Variants in CHD3 observed in about 807,000 individuals in gnomAD.
The protein encoded by CHD3 is ATP-dependent chromatin remodeler CHD3.
CHD3 carries 52 observed loss-of-function variants against 248.9 expected under a neutral mutation model. The observed-to-expected ratio is 0.21, with a 90% CI of 0.17 to 0.26. The LOEUF (loss-of-function observed/expected upper bound fraction) is 0.26, where lower values mean the gene tolerates loss of function less well. CHD3 is among the 10% of genes least tolerant of loss of function. CHD3 has a pLI of 1.00. For missense variants in CHD3, 1,482 were observed against 2,605.8 expected, an observed-to-expected ratio of 0.57 and a Z score of 9.39; for synonymous variants, 985 against 985.2, an observed-to-expected ratio of 1.00 and a Z score of 0.00.
chr17:7,884,834 G>A, upstream of CHD3: 1 of 1,014,876 alleles, frequency 9.9e-7, no homozygotes, highest in Non-Finnish European at 1.4e-6. Flanking sequence ...GGACGAGGAG[G>A]AGGAGGAGGA....
Position 7,899,674 on chromosome 17 carries a change from C to T in CHD3, c.2544+131C>T, listed in dbSNP as rs2040381866. 3.8e-6 allele frequency: 4 copies of T among 1,052,044 alleles called. No individual in the cohort carries two copies. Among genetic ancestry groups the T allele is most frequent in the Non-Finnish European group, 5.6e-6 (4 of 711,974 alleles). 65.2% of individuals were successfully genotyped at this position (1,052,044 alleles called of 1,614,324 possible). A position where few individuals can be genotyped will look rare whatever the true frequency, so the allele number is the denominator to read the frequency against. ...CTCCACCTGTCCTCCTGTCTCTGCA[C>T]TACCATCCTAGAGATATGGCAGGTA... On this transcript the variant is annotated intron_variant, in intron 15 of 39. Coordinates refer to ENST00000330494, the MANE Select transcript of CHD3 (RefSeq NM_001005273.3). The surrounding 1 kb of genome is among the most constrained non-coding windows in gnomAD (Gnocchi z 6.8).
rs781107745 is a variant in CHD3, at chr17:7,907,842, C to T, written c.5027-52C>T. ...TACAGTACAGATAGTAGTCTTGGGA[C>T]CTGGGAGGAGGGTGTCCTGAGGTGT... On this transcript the variant is annotated intron_variant, in intron 33 of 39. Transcript: ENST00000330494. This position sits in a 1 kb window ranked among gnomAD's most constrained non-coding sequence, Gnocchi z 4.3. 6.3e-7 allele frequency: 1 copy of T among 1,581,210 alleles called. No homozygotes were observed. Among genetic ancestry groups the T allele is most frequent in the Admixed American group, 1.8e-5 (1 of 56,000 alleles).
chr17:7,900,525 G>A lies in CHD3; in HGVS notation c.2805-33G>A, dbSNP rs376648861. 257 of 1,609,266 alleles carry A rather than the reference G, an allele frequency of 1.6e-4. No homozygotes were observed. The highest frequency in any genetic ancestry group is 1.4e-4 in the Non-Finnish European group (159 of 1,176,250). On this transcript the variant is annotated intron_variant, in intron 17 of 39. Transcript: ENST00000330494. This position sits in a 1 kb window ranked among gnomAD's most constrained non-coding sequence, Gnocchi z 6.5. ...TGAGATCAGGGGCAAGGAACTTGCC[G>A]ACCTGTTAATTTTCTTCTCTTCTGG...
Position 7,889,629 on chromosome 17 carries a change from G to A in CHD3, c.101-35G>A, listed in dbSNP as rs746773769. On this transcript the variant is annotated intron_variant, in intron 1 of 39. Transcript: ENST00000330494. This position sits in a 1 kb window ranked among gnomAD's most constrained non-coding sequence, Gnocchi z 4.5. ...AGGGGCCTCAGAGGCTGGAAACCTAGAGGCTTAGGTTTTCTGATGCTTTTT... is the reference window on the plus strand; with the variant it reads ...AGGGGCCTCAGAGGCTGGAAACCTAAAGGCTTAGGTTTTCTGATGCTTTTT... 5.7e-6 allele frequency: 9 copies of A among 1,572,206 alleles called. No individual in the cohort carries two copies. The highest frequency in any genetic ancestry group is 5.2e-6 in the Non-Finnish European group (6 of 1,152,734).
rs758983872 is a variant in CHD3, at chr17:7,907,671, G to A, written c.4995G>A (p.Pro1665=). 19 of 1,537,846 alleles carry A rather than the reference G, an allele frequency of 1.2e-5. No homozygotes were observed. The African/African-American group carries it at 1.3e-4, about 10-fold the overall frequency. The change falls in exon 33 of 40, where the codon CCG becomes CCA. Residue 1665 remains proline, a synonymous_variant. Transcript: ENST00000330494. This position sits in a 1 kb window ranked among gnomAD's most constrained non-coding sequence, Gnocchi z 4.3. ...PLDGQEHRER[P]EGETGDLGKR... ...ATGGACAGGAACACAGGGAGAGGCC[G>A]GAGGGGGAAACAGGGGATTTGGGCA...
chr17:7,888,734 GC>G, upstream of CHD3: 3 of 1,098,860 alleles, frequency 2.7e-6, no homozygotes, highest in Non-Finnish European at 3.6e-6. Context: ...GTGGGTGCGC[GC>G]GTGCGCGCGC....
rs754875511 is a variant in CHD3 at position 7,907,495 on chromosome 17, G to A, written c.4924+7G>A. 1 of 1,581,720 alleles carries A rather than the reference G, an allele frequency of 6.3e-7. No individual in the cohort carries two copies. Among genetic ancestry groups the A allele is most frequent in the Non-Finnish European group, 8.6e-7 (1 of 1,166,452 alleles). On this transcript the variant is annotated splice_region_variant and intron_variant, in intron 32 of 39. Transcript: ENST00000330494. The surrounding 1 kb of genome is among the most constrained non-coding windows in gnomAD (Gnocchi z 4.3). The stretch of plus-strand genomic sequence containing the variant: ...GGGGACAGAGAGAAGTCAGGTGGGT[G>A]CATGGCCTTAGGAGTGATGGGGGAT...
rs776791942 is a variant in CHD3, at chr17:7,889,822, C to G, written c.213+46C>G. 1.2e-5 allele frequency: 19 copies of G among 1,526,008 alleles called. No homozygotes were observed. The highest frequency in any genetic ancestry group is 1.6e-5 in the Non-Finnish European group (18 of 1,114,936). 94.5% of individuals were successfully genotyped at this position (1,526,008 alleles called of 1,614,324 possible). On this transcript the variant is annotated intron_variant, in intron 2 of 39. Transcript: ENST00000330494. This position sits in a 1 kb window ranked among gnomAD's most constrained non-coding sequence, Gnocchi z 4.5. ...ACTCTGTGGCAAGGCTCAAGAGACC[C>G]ATTCTCAGAGACCTACATTTTCTCT...
At chr17:7,898,989 T>G in intron 13 of CHD3, 22 bp from the exon 14 acceptor site, 2 of 1,610,500 alleles carry the variant, frequency 1.2e-6, no homozygotes, top group Non-Finnish European at 1.7e-6. Flanking sequence ...TCCTTGAGCT[T>G]TCTGACTTCT....
At position 7,907,861 on chromosome 17, in the gene CHD3, GA is replaced by G. The variant is rs774456857; in HGVS notation, c.5027-32del. On this transcript the variant is annotated intron_variant, in intron 33 of 39. Coordinates refer to ENST00000330494, the MANE Select transcript of CHD3 (RefSeq NM_001005273.3). This position sits in a 1 kb window ranked among gnomAD's most constrained non-coding sequence, Gnocchi z 4.3. ...TTGGGACCTGGGAGGAGGGTGTCCT[GA>G]GGTGTGAGCTTTGACCTGTCTGTCC... 6.3e-7 allele frequency: 1 copy of G among 1,598,876 alleles called. No individual in the cohort carries two copies. The highest frequency in any genetic ancestry group is 1.1e-5 in the South Asian group (1 of 89,854).
Position 7,900,796 on chromosome 17 carries a change from T to C in CHD3, c.2979-56T>C. 1.2e-6 allele frequency: 2 copies of C among 1,610,752 alleles called. No individual in the cohort carries two copies. The highest frequency in any genetic ancestry group is 1.7e-6 in the Non-Finnish European group (2 of 1,177,446). Reference sequence around the variant, plus strand: ...ATTGATGGGAGCGTTCCAAGTGCAATATCATAATTGCTTCCTTTATTTATG... The same window carrying C: ...ATTGATGGGAGCGTTCCAAGTGCAACATCATAATTGCTTCCTTTATTTATG... On this transcript the variant is annotated intron_variant, in intron 18 of 39. Transcript: ENST00000330494. The surrounding 1 kb of genome is among the most constrained non-coding windows in gnomAD (Gnocchi z 6.5).
At position 7,897,827 on chromosome 17, in the gene CHD3, A is replaced by T. The variant is rs1240606871; in HGVS notation, c.1920-144A>T. 1 of 855,102 alleles carries T rather than the reference A, an allele frequency of 1.2e-6. No individual in the cohort carries two copies. The highest frequency in any genetic ancestry group is 1.7e-5 in the African/African-American group (1 of 59,236). The allele number at this position is 855,102 out of a possible 1,614,324, so 53.0% of individuals were successfully genotyped here. On this transcript the variant is annotated intron_variant, in intron 11 of 39. Coordinates refer to ENST00000330494, the MANE Select transcript of CHD3 (RefSeq NM_001005273.3). The surrounding 1 kb of genome is among the most constrained non-coding windows in gnomAD (Gnocchi z 4.8). ...TTAGGCTGCTAGGTCAACTATTCCAATCTCCCTTCCAGCAGCTCACTGTTG... is the reference window on the plus strand; with the variant it reads ...TTAGGCTGCTAGGTCAACTATTCCATTCTCCCTTCCAGCAGCTCACTGTTG...
chr17:7,894,437 C>T lies in CHD3; in HGVS notation c.1098C>T (p.Ala366=), dbSNP rs746654254. The T allele has an allele frequency of 1.8e-5, 29 of 1,613,392 alleles. No individual in the cohort carries two copies. The highest frequency in any genetic ancestry group is 1.1e-4 in the East Asian group (5 of 44,888). The change falls in exon 8 of 40, where the codon GCC becomes GCT. Residue 366 remains alanine, a synonymous_variant. Coordinates refer to ENST00000330494, the MANE Select transcript of CHD3 (RefSeq NM_001005273.3). ...KKKVLGCPAV[A]GEEEVDGYET... ...CAGTCCTGGGCTGTCCTGCAGTGGCCGGGGAGGAGGAGGTTGATGGCTACG... is the reference window on the plus strand; with the variant it reads ...CAGTCCTGGGCTGTCCTGCAGTGGCTGGGGAGGAGGAGGTTGATGGCTACG...
In CHD3 at chr17:7,910,839, T is replaced by C. The variant is rs748640394; in HGVS notation, c.5755-8T>C. ...CTAACTCCAACTTCTGCTTCCTCTC[T>C]GTTCCAGGCCTACCCGCCGGGTCCC... On this transcript the variant is annotated splice_region_variant and splice_polypyrimidine_tract_variant and intron_variant, in intron 38 of 39. Coordinates refer to ENST00000330494, the MANE Select transcript of CHD3 (RefSeq NM_001005273.3). This position sits in a 1 kb window ranked among gnomAD's most constrained non-coding sequence, Gnocchi z 4.7. The C allele has an allele frequency of 8.2e-6, 13 of 1,587,490 alleles. No homozygotes were observed. The highest frequency in any genetic ancestry group is 1.0e-5 in the Non-Finnish European group (12 of 1,170,874).
rs1248242661 is a variant in CHD3 at position 7,907,648 on chromosome 17, G to A, written c.4972G>A (p.Gly1658Arg). The change falls in exon 33 of 40, where the codon GGA becomes AGA. Residue 1658 changes from glycine to arginine, a missense_variant. Gly to Arg is a moderately radical substitution (Grantham distance 125, BLOSUM62 -2). This residue lies in a region of CHD3 where 254 missense variants were observed against 266.7 expected (regional missense o/e 0.95). Transcript: ENST00000330494. This position sits in a 1 kb window ranked among gnomAD's most constrained non-coding sequence, Gnocchi z 4.3. ...GERGEEKPLD[G>R]QEHRERPEGE... ...AAGGGGGGAGGAGAAGCCGTTGGATGGACAGGAACACAGGGAGAGGCCGGA... is the reference window on the plus strand; with the variant it reads ...AAGGGGGGAGGAGAAGCCGTTGGATAGACAGGAACACAGGGAGAGGCCGGA... 2.6e-6 allele frequency: 4 copies of A among 1,531,808 alleles called. No homozygotes were observed. Among genetic ancestry groups the A allele is most frequent in the Non-Finnish European group, 3.5e-6 (4 of 1,145,580 alleles). The allele number at this position is 1,531,808 out of a possible 1,614,324, so 94.9% of individuals were successfully genotyped here.
upstream of CHD3, chr17:7,885,044 C>T: frequency 9.1e-7 from 1 of 1,093,960 alleles, no homozygotes; most frequent in Non-Finnish European, 1.1e-6. Context: ...GCCGCCGCCG[C>T]CGCCACCGCT....
chr17:7,907,508 A>C lies in CHD3; in HGVS notation c.4924+20A>C. On this transcript the variant is annotated intron_variant, in intron 32 of 39. Transcript: ENST00000330494. The surrounding 1 kb of genome is among the most constrained non-coding windows in gnomAD (Gnocchi z 4.3). ...AGTCAGGTGGGTGCATGGCCTTAGG[A>C]GTGATGGGGGATTAGAATTTGGGAT... 6.4e-7 allele frequency: 1 copy of C among 1,551,556 alleles called. No individual in the cohort carries two copies. The highest frequency in any genetic ancestry group is 8.7e-7 in the Non-Finnish European group (1 of 1,151,064).
At position 7,908,553 on chromosome 17, in the gene CHD3, GCTGGC is replaced by G; in HGVS notation, c.5261+44_5261+48del. 2.5e-6 allele frequency: 4 copies of G among 1,575,134 alleles called. No individual in the cohort carries two copies. The highest frequency in any genetic ancestry group is 3.6e-5 in the Admixed American group (2 of 55,184). Reference sequence around the variant, plus strand: ...TGCAAGAAGGAAAAGGTTCTCTCAAGCTGGCAAAAAAAAAAAAGATGATTTCACAC... The same window carrying G: ...TGCAAGAAGGAAAAGGTTCTCTCAAGAAAAAAAAAAAAGATGATTTCACAC... On this transcript the variant is annotated intron_variant, in intron 35 of 39. Coordinates refer to ENST00000330494, the MANE Select transcript of CHD3 (RefSeq NM_001005273.3). The surrounding 1 kb of genome is among the most constrained non-coding windows in gnomAD (Gnocchi z 5.8).
At position 7,908,047 on chromosome 17, in the gene CHD3, T is replaced by C. The variant is rs991860501; in HGVS notation, c.5152+28T>C. Reference sequence around the variant, plus strand: ...TGGGGAGACTCTCGCTGCTTTCTGCTCCTCAAGGGGATCTGCTCATCCTCA... The same window carrying C: ...TGGGGAGACTCTCGCTGCTTTCTGCCCCTCAAGGGGATCTGCTCATCCTCA... On this transcript the variant is annotated intron_variant, in intron 34 of 39. Coordinates refer to ENST00000330494, the MANE Select transcript of CHD3 (RefSeq NM_001005273.3). This position sits in a 1 kb window ranked among gnomAD's most constrained non-coding sequence, Gnocchi z 5.8. 8 of 1,572,388 alleles carry C rather than the reference T, an allele frequency of 5.1e-6. No individual in the cohort carries two copies. The highest frequency in any genetic ancestry group is 2.3e-5 in the East Asian group (1 of 44,202).
Sources: allele counts gnomAD v4.1 joint callset, GRCh38; gene constraint gnomAD v4.1.1; regional missense constraint gnomAD v4.1.1; non-coding constraint Gnocchi (gnomAD v3.1); transcripts MANE v1.5; gene names NCBI Gene and HGNC (gene_info 2026-07-23, HGNC 2026-07-21).